The following PIGQ variants were observed in gnomAD, a reference collection of about 807,000 sequenced individuals.
The protein encoded by PIGQ is phosphatidylinositol N-acetylglucosaminyltransferase subunit Q.
A neutral mutation model predicts 60.3 loss-of-function variants in PIGQ; 54 were observed. The ratio of observed to expected loss-of-function variants is 0.90; its 90% CI spans 0.72 to 1.12. PIGQ has a LOEUF of 1.12. Among genes scored for constraint, PIGQ ranks in the 50% most tolerant of loss-of-function variants. PIGQ has a pLI of 0.00. For synonymous variants in PIGQ, 416 were observed against 363.7 expected (o/e 1.14, Z -1.64); for missense variants, 799 against 793.5 (o/e 1.01, Z -0.08).
At chr16:578,660 C>T in intron 5 of PIGQ, 125 bp from the exon 6 acceptor site, 1 of 1,412,144 alleles carries the variant, frequency 7.1e-7, no homozygotes, top group Non-Finnish European at 9.8e-7. Context: ...GGGGCCTGGG[C>T]ACCTCCCGAG....
chr16:571,562 C>A (rs2151042699), intron 1 of PIGQ, among the ~76,000 whole-genome samples: 1 of 86,994 alleles, frequency 1.1e-5, no homozygotes, highest in Non-Finnish European at 2.1e-5. Flanking sequence ...GTCTGGCTAG[C>A]CTGGTGCCCG....
chr16:582,402 C>T, intron 10 of PIGQ, 93 bp downstream of exon 10: 1 of 925,358 alleles, frequency 1.1e-6, no homozygotes, highest in Non-Finnish European at 1.6e-6. Context: ...TGGCACCACG[C>T]CAGCCTGCGA....
At chr16:572,902 G>T (rs560896178) in intron 1 of PIGQ, among the ~76,000 whole-genome samples, 5 of 152,266 alleles carry the variant, frequency 3.3e-5, no homozygotes, top group Admixed American at 1.3e-4. Context: ...TCCCTCCCTC[G>T]AGTGTGGCTC....
rs115194724 is a variant in PIGQ at position 571,733 on chromosome 16, C to A, written c.-10+1637C>A. The stretch of plus-strand genomic sequence containing the variant: ...TTCATCTTCCTCTGGCTGTGTGATC[C>A]CAGCAGCTGCTAGTGCAGGCTTCTT... On this transcript the variant is annotated intron_variant, in intron 1 of 10. Coordinates refer to ENST00000321878, the MANE Select transcript of PIGQ (RefSeq NM_004204.5). Among the ~76,000 whole-genome samples the A allele has an allele frequency of 3.6e-3, 551 of 152,096 alleles. 4 individuals are homozygous for A. Among genetic ancestry groups the A allele is most frequent in the African/African-American group, 0.013 (528 of 41,454 alleles).
At chr16:571,360 GGC>G (rs2035622095) in intron 1 of PIGQ, among the ~76,000 whole-genome samples, 1 of 124,654 alleles carries the variant, frequency 8.0e-6, no homozygotes, top group Non-Finnish European at 1.6e-5. Flanking sequence ...GTGTGTGTCT[GGC>G]TAGCCTGGGA....
At chr16:576,724 C>T (rs752441780) in intron 4 of PIGQ, 15 of 409,200 alleles carry the variant, frequency 3.7e-5, no homozygotes, top group Non-Finnish European at 4.3e-5. Flanking sequence ...AGAGGCACAG[C>T]TTGTCTCCCA....
intron 4 of PIGQ, chr16:577,218 T>C (rs1446917131): frequency 6.6e-6 from 1 of 152,226 alleles, no homozygotes; most frequent in African/African-American, 2.4e-5. Flanking sequence ...AATTTAAAAA[T>C]GAAAGTCTCT....
intron 7 of PIGQ, 77 bp downstream of exon 7, chr16:579,257 A>G: frequency 3.4e-6 from 4 of 1,181,318 alleles, no homozygotes; most frequent in Non-Finnish European, 5.0e-6. Context: ...GTGCTTGGGC[A>G]CCACAAGGGG....
intron 5 of PIGQ, 37 bp from the exon 6 acceptor site, chr16:578,748 T>A: frequency 7.5e-6 from 12 of 1,603,014 alleles, no homozygotes; most frequent in Non-Finnish European, 1.0e-5. Context: ...AGGGCTGGGG[T>A]CTGAGCGCCT....
chr16:580,649 C>G (rs2035795416), intron 8 of PIGQ: 3 of 594,390 alleles, frequency 5.0e-6, no homozygotes. Flanking sequence ...GCACCTCTGA[C>G]CTGGTGAGAG....
At position 582,230 on chromosome 16, in the gene PIGQ, C is replaced by G. The variant is rs754659656; in HGVS notation, c.1532-18C>G. ...AGCCCCCACGCGTCCCCTCGTCAGC[C>G]GCTTGCTATCCTTGCAGCTGGCGTG... On this transcript the variant is annotated intron_variant, in intron 9 of 10. Coordinates refer to ENST00000321878, the MANE Select transcript of PIGQ (RefSeq NM_004204.5). The G allele has an allele frequency of 3.8e-6, 6 of 1,583,248 alleles. No homozygotes were observed. The highest frequency in any genetic ancestry group is 1.7e-4 in the Middle Eastern group (1 of 6,046).
chr16:578,974 G>T, intron 6 of PIGQ, 36 bp downstream of exon 6: 1 of 1,590,584 alleles, frequency 6.3e-7, no homozygotes, highest in Non-Finnish European at 8.5e-7. Context: ...CCGCCCCCTG[G>T]GAGGTGCAGA....
intron 1 of PIGQ, chr16:570,533 T>C (rs1224118857): frequency 6.6e-6 from 1 of 152,272 alleles, no homozygotes; most frequent in East Asian, 1.9e-4. Flanking sequence ...TGGCGCGATC[T>C]CGGGTCACTG....
intron 9 of PIGQ, chr16:581,715 G>C (rs193017570): frequency 6.3e-6 from 1 of 157,768 alleles, no homozygotes; most frequent in African/African-American, 2.6e-5. Context: ...TCCCACCTCA[G>C]CCTCCCAAAG....
Position 582,253 on chromosome 16 carries a change from G to C in PIGQ, c.1537G>C (p.Val513Leu). ...GCCGCTTGCTATCCTTGCAGCTGGC[G>C]TGAAGTTCCGTGTCCTCCGGCACGA... Reference protein sequence around the residue: ...LCRPYRLAAGVKFRVLRHEAG... With the variant: ...LCRPYRLAAGLKFRVLRHEAG... Residue 513 changes from valine (V) to leucine (L), a missense_variant, in exon 10 of 11, where the codon GTG becomes CTG. Physicochemically the swap from Val to Leu is conservative, Grantham distance 32. Coordinates refer to ENST00000321878, the MANE Select transcript of PIGQ (RefSeq NM_004204.5). 1 of 1,604,894 alleles carries C rather than the reference G, an allele frequency of 6.2e-7. No individual in the cohort carries two copies. Among genetic ancestry groups the C allele is most frequent in the Non-Finnish European group, 8.5e-7 (1 of 1,175,416 alleles).
At position 583,627 on chromosome 16, in the gene PIGQ, C is replaced by G; in HGVS notation, c.*592C>G. The G allele has an allele frequency of 6.2e-7, 1 of 1,612,718 alleles. No individual in the cohort carries two copies. Among genetic ancestry groups the G allele is most frequent in the Non-Finnish European group, 8.5e-7 (1 of 1,179,934 alleles). On this transcript the variant is annotated 3_prime_UTR_variant, in exon 11 of 11. Coordinates refer to ENST00000321878, the MANE Select transcript of PIGQ (RefSeq NM_004204.5). ...TTGCGGATGTTCCCTGGAGAGGTCGCTTTGTGAAGAAACCATCAGCAGGCT... is the reference window on the plus strand; with the variant it reads ...TTGCGGATGTTCCCTGGAGAGGTCGGTTTGTGAAGAAACCATCAGCAGGCT...
intron 1 of PIGQ, chr16:570,672 G>A (rs2151041702): frequency 6.6e-6 from 1 of 152,364 alleles, no homozygotes; most frequent in Middle Eastern, 3.4e-3. Context: ...CACCCCCATC[G>A]AGGCTGGTCT....
Position 583,871 on chromosome 16 carries a change from G to A in PIGQ, c.*836G>A. The A allele has an allele frequency of 5.1e-6, 3 of 591,658 alleles. No homozygotes were observed. In the South Asian group the frequency reaches 5.6e-5, roughly 11 times the overall value. The allele number at this position is 591,658 out of a possible 1,614,324, so 36.7% of individuals were successfully genotyped here. On this transcript the variant is annotated 3_prime_UTR_variant, in exon 11 of 11. Coordinates refer to ENST00000321878, the MANE Select transcript of PIGQ (RefSeq NM_004204.5). ...GTGAGTGGCCTGGGGAGGGGGCCGT[G>A]GCACTGAGGCCGAAAGTGCCTGCCA...
In PIGQ at chr16:583,350, C is replaced by T. The variant is rs1466074120; in HGVS notation, c.*315C>T. ...TCCAGAGCACTGCCCCATGCCCACC[C>T]TGTGTACCCAGGTCCAGAGGGTCCG... On this transcript the variant is annotated 3_prime_UTR_variant, in exon 11 of 11. Transcript: ENST00000321878. The T allele has an allele frequency of 1.1e-5, 18 of 1,612,462 alleles. No individual in the cohort carries two copies. The highest frequency in any genetic ancestry group is 1.5e-5 in the Non-Finnish European group (18 of 1,179,798).
Sources: allele counts gnomAD v4.1 joint callset (sites outside exome capture counted in the v4.1 genomes callset), GRCh38; gene constraint gnomAD v4.1.1; transcripts MANE v1.5; gene names NCBI Gene and HGNC (gene_info 2026-07-23, HGNC 2026-07-21).